The following LRATD1 variants were observed in gnomAD, a reference collection of about 807,000 sequenced individuals.
LRATD1 encodes protein LRATD1.
A neutral mutation model predicts 21.3 loss-of-function variants in LRATD1; 8 were observed. The ratio of observed to expected loss-of-function variants is 0.38; its 90% CI spans 0.22 to 0.68. The LOEUF is 0.68. Ranked by LOEUF, LRATD1 falls within the 30% of genes least tolerant of loss-of-function variation. The pLI is 0.54. For synonymous variants in LRATD1, 210 were observed against 186.2 expected (o/e 1.13, Z -1.04); for missense variants, 380 against 404.0 (o/e 0.94, Z 0.51).
At chr2:14,648,914 A>G (rs1192717074) in intron 4 of LRATD1, among the ~76,000 whole-genome samples, 1 of 152,190 alleles carries the variant, frequency 6.6e-6, no homozygotes, top group Non-Finnish European at 1.5e-5. Context: ...TTTATTCATG[A>G]AGGTAGTTTC....
Position 14,635,762 on chromosome 2 carries a change from T to C in LRATD1, c.*904T>C. 2.6e-6 allele frequency: 1 copy of C among 381,718 alleles called. No homozygotes were observed. The highest frequency in any genetic ancestry group is 2.0e-5 in the South Asian group (1 of 49,784). 23.6% of individuals were successfully genotyped at this position (381,718 alleles called of 1,614,324 possible). A position where few individuals can be genotyped will look rare whatever the true frequency, so the allele number is the denominator to read the frequency against. On this transcript the variant is annotated 3_prime_UTR_variant, in exon 2 of 2. Coordinates refer to ENST00000295092, the MANE Select transcript of LRATD1 (RefSeq NM_145175.4). The stretch of plus-strand genomic sequence containing the variant: ...ACCCTTGATTGCTCCCTCCTCGGGC[T>C]GCATTTCAAAAATAGTCATATTTTT...
At position 14,634,762 on chromosome 2, in the gene LRATD1, C is replaced by T. The variant is rs558105455; in HGVS notation, c.783C>T (p.Ser261=). The T allele has an allele frequency of 3.1e-6, 5 of 1,588,758 alleles. No individual in the cohort carries two copies. In the South Asian group the frequency reaches 5.7e-5, roughly 18 times the overall value. ...ENKVHTARFH[S]LEDLIREKRR... The stretch of plus-strand genomic sequence containing the variant: ...AGGTCCACACCGCCAGGTTTCACAG[C>T]CTGGAAGACCTCATCCGCGAGAAGC... The change falls in exon 2 of 2, where the codon AGC becomes AGT. Residue 261 remains serine, a synonymous_variant. Transcript: ENST00000295092.
At chr2:14,646,306 C>T (rs1216017752) in intron 3 of LRATD1, 2 of 152,140 alleles carry the variant, frequency 1.3e-5, no homozygotes, top group South Asian at 2.1e-4. Flanking sequence ...ACTTGATGTC[C>T]AACCTCCTGG....
rs759508979 is a variant in LRATD1 at position 14,634,113 on chromosome 2, A to T, written c.134A>T (p.Asp45Val). 6 of 1,614,142 alleles carry T rather than the reference A, an allele frequency of 3.7e-6. No homozygotes were observed. The highest frequency in any genetic ancestry group is 5.1e-6 in the Non-Finnish European group (6 of 1,180,024). Residue 45 changes from aspartate to valine, a missense_variant, in exon 2 of 2, where the codon GAC (aspartate) becomes GTC (valine). Asp to Val is a radical substitution (Grantham distance 152). Transcript: ENST00000295092. ...YFFSDDEEDL[D>V]ERGQPDKFGV... ...TTCTCGGATGATGAGGAAGACCTGGACGAACGCGGGCAGCCCGACAAGTTT... is the reference window on the plus strand; with the variant it reads ...TTCTCGGATGATGAGGAAGACCTGGTCGAACGCGGGCAGCCCGACAAGTTT...
In LRATD1 at chr2:14,638,466, CT is replaced by C. The variant is rs1671740636; in HGVS notation, c.*3609del. ...TTACCTTCCCCTATGTTTAATTTTT[CT>C]GTGGTGAACACTTTTGTTAGAACAT... On this transcript the variant is annotated 3_prime_UTR_variant, in exon 2 of 2. Transcript: ENST00000295092. The C allele has an allele frequency of 6.0e-6, 1 of 166,870 alleles. No individual in the cohort carries two copies. Among genetic ancestry groups the C allele is most frequent in the Non-Finnish European group, 1.5e-5 (1 of 68,040 alleles). 10.3% of individuals were successfully genotyped at this position (166,870 alleles called of 1,614,324 possible).
Position 14,634,348 on chromosome 2 carries a change from C to G in LRATD1, c.369C>G (p.Gly123=). 6.3e-7 allele frequency: 1 copy of G among 1,582,636 alleles called. No individual in the cohort carries two copies. Among genetic ancestry groups the G allele is most frequent in the Non-Finnish European group, 8.6e-7 (1 of 1,167,548 alleles). The part of the protein sequence containing the change: ...VTALPALCEP[G]DLLELLWLQP... ...CGCTGCCAGCGCTCTGCGAACCCGG[C>G]GACCTGCTGGAGCTGCTGTGGCTGC... Residue 123 remains glycine, a synonymous_variant, in exon 2 of 2, where the codon GGC becomes GGG. Coordinates refer to ENST00000295092, the MANE Select transcript of LRATD1 (RefSeq NM_145175.4).
chr2:14,639,390 G>A lies in LRATD1; in HGVS notation c.*4532G>A, dbSNP rs1292891423. The A allele has an allele frequency of 6.0e-6, 1 of 166,894 alleles. No individual in the cohort carries two copies. Among genetic ancestry groups the A allele is most frequent in the African/African-American group, 2.4e-5 (1 of 41,422 alleles). 10.3% of individuals were successfully genotyped at this position (166,894 alleles called of 1,614,324 possible). ...GAAAAATAAGAAGCAAGATAAAGTGGGGAGGCTATGAGATCATATAATGAG... is the reference window on the plus strand; with the variant it reads ...GAAAAATAAGAAGCAAGATAAAGTGAGGAGGCTATGAGATCATATAATGAG... On this transcript the variant is annotated 3_prime_UTR_variant, in exon 2 of 2. Coordinates refer to ENST00000295092, the MANE Select transcript of LRATD1 (RefSeq NM_145175.4).
chr2:14,650,592 C>T (rs571813538), downstream of LRATD1: 8 of 152,228 alleles, frequency 5.3e-5, 1 homozygote, highest in South Asian at 1.7e-3. Flanking sequence ...TAATTGTATT[C>T]ACACAAATAC....
chr2:14,646,881 T>A (rs564542427), intron 4 of LRATD1, among the ~76,000 whole-genome samples: 30 of 152,322 alleles, frequency 2.0e-4, no homozygotes, highest in African/African-American at 7.0e-4. Flanking sequence ...ATTTCTAAAT[T>A]AGATTAGTTA....
downstream of LRATD1, among the ~76,000 whole-genome samples, chr2:14,640,477 A>C (rs1475902393): frequency 6.6e-6 from 1 of 152,218 alleles, no homozygotes; most frequent in Non-Finnish European, 1.5e-5. Flanking sequence ...GCACAAAATG[A>C]ATGCTTCAAA....
chr2:14,646,926 A>C (rs1276306818), intron 4 of LRATD1, among the ~76,000 whole-genome samples: 1 of 152,232 alleles, frequency 6.6e-6, no homozygotes, highest in Non-Finnish European at 1.5e-5. Flanking sequence ...GGAGATCAAA[A>C]TAGACCCAAA....
downstream of LRATD1, among the ~76,000 whole-genome samples, chr2:14,640,425 T>C (rs917317657): frequency 2.6e-5 from 4 of 152,226 alleles, no homozygotes; most frequent in African/African-American, 9.6e-5. Context: ...TAGATACTTA[T>C]GAAATACTAG....
intron 4 of LRATD1, among the ~76,000 whole-genome samples, chr2:14,648,814 C>T (rs1671940248): frequency 6.6e-6 from 1 of 152,170 alleles, no homozygotes; most frequent in African/African-American, 2.4e-5. Flanking sequence ...CTCAGGACGT[C>T]CATCTGCCAA....
At chr2:14,651,547 C>T (rs1672006128), downstream of LRATD1, among the ~76,000 whole-genome samples, 2 of 152,118 alleles carry the variant, frequency 1.3e-5, no homozygotes, top group African/African-American at 4.8e-5. Context: ...CCCATCCATA[C>T]TTGGCATTAT....
Position 14,648,368 on chromosome 2 carries a change from T to C in LRATD1, n.437-948T>C, listed in dbSNP as rs564719536. 1.3e-3 allele frequency among the ~76,000 whole-genome samples: 198 copies of C among 152,314 alleles called. 1 individual carries two copies. The highest frequency in any genetic ancestry group is 2.5e-3 in the Non-Finnish European group (171 of 68,022). ...ACATTTGCCACGATAGAAATAATAC[T>C]AGATTTTAAAATATTAACACTTTTT... On this transcript the variant is annotated intron_variant and non_coding_transcript_variant, in intron 4 of 5. Coordinates refer to the LRATD1 transcript ENST00000464947.
rs1484414929 is a variant in LRATD1, at chr2:14,635,253, A to G, written c.*395A>G. The stretch of plus-strand genomic sequence containing the variant: ...GAAAACAACCCTCTTCTCAAAAGGG[A>G]CCATCACCGCCCCGAGCGTGCGCAC... On this transcript the variant is annotated 3_prime_UTR_variant, in exon 2 of 2. Coordinates refer to ENST00000295092, the MANE Select transcript of LRATD1 (RefSeq NM_145175.4). The G allele has an allele frequency of 1.9e-6, 1 of 518,060 alleles. No individual in the cohort carries two copies. Among genetic ancestry groups the G allele is most frequent in the East Asian group, 5.4e-5 (1 of 18,360 alleles). The allele number at this position is 518,060 out of a possible 1,614,324, so 32.1% of individuals were successfully genotyped here.
Position 14,634,874 on chromosome 2 carries a change from C to G in LRATD1, c.*16C>G, listed in dbSNP as rs767627527. ...CAAGGAGTAGCCGCCTAGGGGCTGC[C>G]GGCCCCTCTGCCTCCCCCGCACCTC... On this transcript the variant is annotated 3_prime_UTR_variant, in exon 2 of 2. Coordinates refer to ENST00000295092, the MANE Select transcript of LRATD1 (RefSeq NM_145175.4). The G allele has an allele frequency of 1.2e-5, 19 of 1,601,756 alleles. No homozygotes were observed. Among genetic ancestry groups the G allele is most frequent in the Admixed American group, 3.4e-5 (2 of 59,022 alleles).
chr2:14,642,305 G>C (rs1671820950), downstream of LRATD1, among the ~76,000 whole-genome samples: 1 of 152,122 alleles, frequency 6.6e-6, no homozygotes, highest in Non-Finnish European at 1.5e-5. Context: ...TCTCTGTCCT[G>C]GGTATAATGG....
In LRATD1 at chr2:14,634,096, T is replaced by A; in HGVS notation, c.117T>A (p.Asp39Glu). ...LRVGVAYFFS[D>E]DEEDLDERGQ... ...TCGGGGTTGCCTACTTCTTCTCGGATGATGAGGAAGACCTGGACGAACGCG... is the reference window on the plus strand; with the variant it reads ...TCGGGGTTGCCTACTTCTTCTCGGAAGATGAGGAAGACCTGGACGAACGCG... Residue 39 changes from aspartate (D) to glutamate (E), a missense_variant, in exon 2 of 2, where the codon GAT becomes GAA. Asp to Glu is a conservative substitution (Grantham distance 45). Coordinates refer to ENST00000295092, the MANE Select transcript of LRATD1 (RefSeq NM_145175.4). The A allele has an allele frequency of 6.2e-7, 1 of 1,614,076 alleles. No homozygotes were observed. Among genetic ancestry groups the A allele is most frequent in the Non-Finnish European group, 8.5e-7 (1 of 1,180,004 alleles).
Sources: gnomAD v4.1 joint callset for allele counts (sites outside exome capture counted in the v4.1 genomes callset) on GRCh38, gnomAD v4.1.1 for gene constraint, MANE v1.5 for transcripts, NCBI Gene and HGNC (gene_info 2026-07-23, HGNC 2026-07-21) for gene names.